VLDLR: variants seen among roughly 807,000 people sequenced by gnomAD.
The protein encoded by VLDLR is very low-density lipoprotein receptor.
VLDLR carries 81 observed loss-of-function variants against 112.7 expected under a neutral mutation model. The ratio of observed to expected loss-of-function variants is 0.72; its 90% CI spans 0.60 to 0.86. The LOEUF is 0.86. Ranked by LOEUF, VLDLR falls within the 40% of genes least tolerant of loss-of-function variation. The pLI is 0.00. For missense variants in VLDLR, 1,237 were observed against 1,099.4 expected, an observed-to-expected ratio of 1.13 and a Z score of -1.77; for synonymous variants, 436 against 384.8, an observed-to-expected ratio of 1.13 and a Z score of -1.56.
chr9:2,644,712 G>A lies in VLDLR; in HGVS notation c.1067-22G>A, dbSNP rs372148588. 6.8e-6 allele frequency: 11 copies of A among 1,613,846 alleles called. No individual in the cohort carries two copies. In the African/African-American group the frequency reaches 1.3e-4, roughly 20 times the overall value. ...ATTAATTGAAAATAAGTTGTCAAGT[G>A]ACTACTACATTTTTATTCCAGATAT... On this transcript the variant is annotated intron_variant, in intron 7 of 18. Transcript: ENST00000382100.
intron 17 of VLDLR, 87 bp from the exon 18 acceptor site, chr9:2,652,693 T>G: frequency 1.3e-6 from 2 of 1,549,542 alleles, no homozygotes; most frequent in Non-Finnish European, 1.8e-6. Context: ...CTAATGTCAA[T>G]TATTATGGAT....
At chr9:2,633,049 AGAGTGTGTGT>A (rs917444663) in intron 1 of VLDLR, among the ~76,000 whole-genome samples, 2 of 107,000 alleles carry the variant, frequency 1.9e-5, no homozygotes, top group Non-Finnish European at 4.1e-5. Flanking sequence ...AGAGAGAGAG[AGAGTGTGTGT>A]GTGTGTGTGT....
Position 2,621,880 on chromosome 9 carries a change from C to T in VLDLR, c.-310C>T, listed in dbSNP as rs1209022470. The T allele has an allele frequency of 5.0e-6, 3 of 601,354 alleles. No individual in the cohort carries two copies. The highest frequency in any genetic ancestry group is 9.3e-6 in the Non-Finnish European group (3 of 322,886). 37.3% of individuals were successfully genotyped at this position (601,354 alleles called of 1,614,324 possible). ...CTGCTCTCGGCTCCCCACCCCCTCT[C>T]CCTTCCCTCCTCTCCCCTTGCCTCC... On this transcript the variant is annotated 5_prime_UTR_variant, in exon 1 of 19. Coordinates refer to ENST00000382100, the MANE Select transcript of VLDLR (RefSeq NM_003383.5).
At chr9:2,652,054 T>C in intron 17 of VLDLR, 100 bp downstream of exon 17, 1 of 1,075,368 alleles carries the variant, frequency 9.3e-7, no homozygotes, top group Non-Finnish European at 1.4e-6. Context: ...GCCTTTATGC[T>C]GTCTAGCATT....
chr9:2,622,397 C>T (rs2130748850), intron 1 of VLDLR, 126 bp downstream of exon 1: 1 of 794,094 alleles, frequency 1.3e-6, no homozygotes, highest in Non-Finnish European at 1.8e-6. Flanking sequence ...CCTCGCCTTC[C>T]CTCCCTCCCC....
At chr9:2,644,541 C>T (rs1817983320) in intron 7 of VLDLR, among the ~76,000 whole-genome samples, 193 bp from the exon 8 acceptor site, 1 of 151,802 alleles carries the variant, frequency 6.6e-6, no homozygotes, top group Non-Finnish European at 1.5e-5. Context: ...AATGCTTGAC[C>T]AGCTGGTAAC....
intron 13 of VLDLR, 120 bp downstream of exon 13, chr9:2,648,467 A>G: frequency 1.3e-6 from 2 of 1,540,386 alleles, no homozygotes; most frequent in East Asian, 4.5e-5. Context: ...AACTGCTTTC[A>G]CTTAAAACCT....
In VLDLR at chr9:2,659,122, A is replaced by G. The variant is rs1213155727; in HGVS notation, c.*5254A>G. 1.2e-4 allele frequency: 19 copies of G among 152,254 alleles called. No homozygotes were observed. Among genetic ancestry groups the G allele is most frequent in the Admixed American group, 1.2e-3 (19 of 15,278 alleles). The allele number at this position is 152,254 out of a possible 1,614,324, so 9.4% of individuals were successfully genotyped here. A position where few individuals can be genotyped will look rare whatever the true frequency, so the allele number is the denominator to read the frequency against. Reference sequence around the variant, plus strand: ...CCATATGCTTACTTTTGTACTAAGTAAGTGCTCCCAAGTCTTTTACTTGCT... The same window carrying G: ...CCATATGCTTACTTTTGTACTAAGTGAGTGCTCCCAAGTCTTTTACTTGCT... On this transcript the variant is annotated 3_prime_UTR_variant, in exon 19 of 19. Coordinates refer to ENST00000382100, the MANE Select transcript of VLDLR (RefSeq NM_003383.5).
At chr9:2,638,642 T>G (rs1042734797) in intron 2 of VLDLR, among the ~76,000 whole-genome samples, 1 of 152,214 alleles carries the variant, frequency 6.6e-6, no homozygotes. Context: ...CCGATTTGCT[T>G]AGGACAGTCC....
intron 17 of VLDLR, among the ~76,000 whole-genome samples, 188 bp downstream of exon 17, chr9:2,652,142 C>T (rs1181432078): frequency 6.6e-6 from 1 of 152,172 alleles, no homozygotes; most frequent in African/African-American, 2.4e-5. Context: ...TTCAGTTGTA[C>T]CTTTGGCACA....
In VLDLR at chr9:2,650,392, C is replaced by G; in HGVS notation, c.2127C>G (p.Asp709Glu). The change falls in exon 15 of 19, where the codon GAC becomes GAG. Residue 709 changes from aspartate to glutamate, a missense_variant. Transcript: ENST00000382100. ...QPSGKNWCEE[D>E]MENGGCEYLC... ...TAGGTAAAAATTGGTGTGAAGAAGA[C>G]ATGGAGAATGGAGGATGTGAATACC... 1 of 1,613,986 alleles carries G rather than the reference C, an allele frequency of 6.2e-7. No homozygotes were observed. The highest frequency in any genetic ancestry group is 8.5e-7 in the Non-Finnish European group (1 of 1,179,990).
At position 2,645,997 on chromosome 9, in the gene VLDLR, A is replaced by C. The variant is rs374327920; in HGVS notation, c.1484+252A>C. Among the ~76,000 whole-genome samples, 47 of 152,278 alleles carry C rather than the reference A, an allele frequency of 3.1e-4. 2 individuals are homozygous for C. Among genetic ancestry groups the C allele is most frequent in the African/African-American group, 1.1e-3 (46 of 41,546 alleles). ...ATTTTCTCCCTTTTCTCTACAGTTA[A>C]TTGAGAACTGTTCATTGTTGCTACA... On this transcript the variant is annotated intron_variant, in intron 10 of 18. Transcript: ENST00000382100.
chr9:2,624,775 A>G (rs1468429884), intron 1 of VLDLR, among the ~76,000 whole-genome samples: 2 of 152,240 alleles, frequency 1.3e-5, no homozygotes, highest in African/African-American at 4.8e-5. Flanking sequence ...TGACGATGAT[A>G]GTACCCCTTA....
intron 1 of VLDLR, among the ~76,000 whole-genome samples, chr9:2,629,146 G>C (rs1025396424): frequency 3.3e-5 from 5 of 152,208 alleles, no homozygotes; most frequent in Admixed American, 3.3e-4. Context: ...CAGAATCCAG[G>C]CTGGGGCCCA....
At position 2,643,977 on chromosome 9, in the gene VLDLR, T is replaced by G; in HGVS notation, c.1066+18T>G. On this transcript the variant is annotated intron_variant, in intron 7 of 18. Transcript: ENST00000382100. Reference sequence around the variant, plus strand: ...AGAGTGTCGTAAGTGTACTTGTTGTTCAAGTACAGATCCTGGAAGTTTGAC... The same window carrying G: ...AGAGTGTCGTAAGTGTACTTGTTGTGCAAGTACAGATCCTGGAAGTTTGAC... 6.2e-7 allele frequency: 1 copy of G among 1,613,288 alleles called. No individual in the cohort carries two copies. The highest frequency in any genetic ancestry group is 8.5e-7 in the Non-Finnish European group (1 of 1,179,442).
At chr9:2,649,127 C>G (rs1036812856) in intron 14 of VLDLR, among the ~76,000 whole-genome samples, 5 of 152,172 alleles carry the variant, frequency 3.3e-5, no homozygotes. Flanking sequence ...AGCTTTTGTG[C>G]TACAAGCTTT....
Position 2,656,841 on chromosome 9 carries a change from A to C in VLDLR, c.*2973A>C, listed in dbSNP as rs1818627748. On this transcript the variant is annotated 3_prime_UTR_variant, in exon 19 of 19. Transcript: ENST00000382100. ...CCTTTGCAAGCTAATCTATTTGGCA[A>C]AAAAATAGTCCCAGTTGTTCAACTA... 1 of 151,710 alleles carries C rather than the reference A, an allele frequency of 6.6e-6. No individual in the cohort carries two copies. Among genetic ancestry groups the C allele is most frequent in the South Asian group, 2.1e-4 (1 of 4,790 alleles). 9.4% of individuals were successfully genotyped at this position (151,710 alleles called of 1,614,324 possible). A position where few individuals can be genotyped will look rare whatever the true frequency, so the allele number is the denominator to read the frequency against.
intron 2 of VLDLR, 95 bp downstream of exon 2, chr9:2,635,667 C>T: frequency 1.3e-6 from 2 of 1,574,398 alleles, no homozygotes; most frequent in South Asian, 1.1e-5. Context: ...AAATCCACTT[C>T]TAACAATTGC....
intron 1 of VLDLR, among the ~76,000 whole-genome samples, chr9:2,634,173 C>T (rs1020083270): frequency 6.6e-6 from 1 of 152,088 alleles, no homozygotes. Flanking sequence ...TTTAATCTCC[C>T]TGGGAAGAGC....
Sources: gnomAD v4.1 joint callset for allele counts (sites outside exome capture counted in the v4.1 genomes callset) on GRCh38, gnomAD v4.1.1 for gene constraint, MANE v1.5 for transcripts, NCBI Gene and HGNC (gene_info 2026-07-23, HGNC 2026-07-21) for gene names.